H4C12: variants seen among roughly 807,000 people sequenced by gnomAD.
The protein encoded by H4C12 is histone H4.
A neutral mutation model predicts 4.2 loss-of-function variants in H4C12; 3 were observed. The ratio of observed to expected loss-of-function variants is 0.72; its 90% CI spans 0.33 to 1.86. The LOEUF (loss-of-function observed/expected upper bound fraction) is 1.86. H4C12 is among the 40% of genes most tolerant of loss of function. The probability of loss-of-function intolerance (pLI) is 0.08; values close to 1 mark genes in which losing one functional copy is unlikely to be tolerated. For missense variants in H4C12, 81 were observed against 154.6 expected (o/e 0.52, Z 2.52); for synonymous variants, 71 against 65.0 (o/e 1.09, Z -0.44).
At position 27,831,261 on chromosome 6, in the gene H4C12, G is replaced by C. The variant is rs940300605; in HGVS notation, c.267C>G (p.Tyr89Ter). The change falls in exon 1 of 1, where the codon TAC becomes TAG. Residue 89 changes from tyrosine to a stop codon, truncating the protein, a stop_gained. Coordinates refer to ENST00000611927, the MANE Select transcript of H4C12 (RefSeq NM_003541.3). LOFTEE classifies it high-confidence loss of function. ...GGGTGCGGCCCTGGCGCTTGAGCGCGTAGACCACATCCATGGCGGTGACCG... is the reference window on the plus strand; with the variant it reads ...GGGTGCGGCCCTGGCGCTTGAGCGCCTAGACCACATCCATGGCGGTGACCG... ...RKTVTAMDVVYALKRQGRTLY... is the reference protein window; with the variant it reads ...RKTVTAMDVV The C allele has an allele frequency of 6.5e-7, 1 of 1,548,716 alleles. No individual in the cohort carries two copies.
At position 27,831,211 on chromosome 6, in the gene H4C12, G is replaced by T. The variant is rs755592242; in HGVS notation, c.*5C>A. On this transcript the variant is annotated 3_prime_UTR_variant, in exon 1 of 1. Coordinates refer to ENST00000611927, the MANE Select transcript of H4C12 (RefSeq NM_003541.3). Reference sequence around the variant, plus strand: ...AAAGGGCCTTTTGTTGATAGAAAGGGACGCTCAACCACCGAAACCGTAGAG... The same window carrying T: ...AAAGGGCCTTTTGTTGATAGAAAGGTACGCTCAACCACCGAAACCGTAGAG... 9.3e-6 allele frequency: 15 copies of T among 1,604,840 alleles called. 1 individual carries two copies. In the South Asian group the frequency reaches 1.4e-4, roughly 15 times the overall value.
Position 27,831,273 on chromosome 6 carries a change from C to T in H4C12, c.255G>A (p.Met85Ile), listed in dbSNP as rs765347926. 74 of 1,550,366 alleles carry T rather than the reference C, an allele frequency of 4.8e-5. No homozygotes were observed. The highest frequency in any genetic ancestry group is 6.3e-5 in the Non-Finnish European group (73 of 1,155,258). The change falls in exon 1 of 1, where the codon ATG becomes ATA. Residue 85 changes from methionine (M) to isoleucine (I), a missense_variant. By Grantham distance (10) the Met-to-Ile change is conservative (BLOSUM62 1). This residue lies in a region of H4C12 where 56 missense variants were observed against 78.3 expected (regional missense o/e 0.72). Transcript: ENST00000611927. Reference protein sequence around the residue: ...EHAKRKTVTAMDVVYALKRQG... With the variant: ...EHAKRKTVTAIDVVYALKRQG... ...GGCGCTTGAGCGCGTAGACCACATC[C>T]ATGGCGGTGACCGTCTTGCGCTTGG...
chr6:27,831,192 C>T lies in H4C12; in HGVS notation c.*24G>A, dbSNP rs759052091. 10 of 1,604,272 alleles carry T rather than the reference C, an allele frequency of 6.2e-6. No homozygotes were observed. Among genetic ancestry groups the T allele is most frequent in the Non-Finnish European group, 8.5e-6 (10 of 1,175,238 alleles). ...GAGAAAGTGGGGGCCCTAAAAAGGG[C>T]CTTTTGTTGATAGAAAGGGACGCTC... is the stretch of plus-strand genomic sequence containing the variant. On this transcript the variant is annotated 3_prime_UTR_variant, in exon 1 of 1. Transcript: ENST00000611927.
At position 27,831,210 on chromosome 6, in the gene H4C12, G is replaced by T; in HGVS notation, c.*6C>A. The stretch of plus-strand genomic sequence containing the variant: ...AAAAGGGCCTTTTGTTGATAGAAAG[G>T]GACGCTCAACCACCGAAACCGTAGA... On this transcript the variant is annotated 3_prime_UTR_variant, in exon 1 of 1. Transcript: ENST00000611927. 6.2e-7 allele frequency: 1 copy of T among 1,604,740 alleles called. No individual in the cohort carries two copies. Among genetic ancestry groups the T allele is most frequent in the Non-Finnish European group, 8.5e-7 (1 of 1,175,954 alleles).
rs781495912 is a variant in H4C12 at position 27,831,178 on chromosome 6, G to A, written c.*38C>T. On this transcript the variant is annotated 3_prime_UTR_variant, in exon 1 of 1. Coordinates refer to ENST00000611927, the MANE Select transcript of H4C12 (RefSeq NM_003541.3). ...ACGGCTCCTCAGCTGAGAAAGTGGG[G>A]GCCCTAAAAAGGGCCTTTTGTTGAT... 19 of 1,589,618 alleles carry A rather than the reference G, an allele frequency of 1.2e-5. 1 individual carries two copies. Among genetic ancestry groups the A allele is most frequent in the South Asian group, 9.0e-5 (8 of 88,536 alleles).
In H4C12 at chr6:27,831,299, C is replaced by T. The variant is rs760410073; in HGVS notation, c.229G>A (p.Ala77Thr). Residue 77 changes from alanine to threonine, a missense_variant, in exon 1 of 1, where the codon GCC becomes ACC. Physicochemically the swap from Ala to Thr is moderately conservative, Grantham distance 58. Transcript: ENST00000611927. ...IRDAVTYTEH[A>T]KRKTVTAMDV... ...ATGGCGGTGACCGTCTTGCGCTTGGCGTGCTCTGTATAGGTCACGGCGTCC... is the reference window on the plus strand; with the variant it reads ...ATGGCGGTGACCGTCTTGCGCTTGGTGTGCTCTGTATAGGTCACGGCGTCC... The T allele has an allele frequency of 6.3e-7, 1 of 1,581,288 alleles. No individual in the cohort carries two copies. Among genetic ancestry groups the T allele is most frequent in the Admixed American group, 1.9e-5 (1 of 53,968 alleles).
At position 27,831,210 on chromosome 6, in the gene H4C12, G is replaced by A. The variant is rs1320974176; in HGVS notation, c.*6C>T. On this transcript the variant is annotated 3_prime_UTR_variant, in exon 1 of 1. Coordinates refer to ENST00000611927, the MANE Select transcript of H4C12 (RefSeq NM_003541.3). The stretch of plus-strand genomic sequence containing the variant: ...AAAAGGGCCTTTTGTTGATAGAAAG[G>A]GACGCTCAACCACCGAAACCGTAGA... 6 of 1,604,740 alleles carry A rather than the reference G, an allele frequency of 3.7e-6. No individual in the cohort carries two copies. Among genetic ancestry groups the A allele is most frequent in the South Asian group, 1.1e-5 (1 of 90,350 alleles).
rs1358562186 is a variant in H4C12 at position 27,831,446 on chromosome 6, G to A, written c.82C>T (p.Gln28Ter). 5.8e-6 allele frequency: 9 copies of A among 1,550,220 alleles called. No individual in the cohort carries two copies. The Admixed American group carries it at 6.1e-5, about 10-fold the overall frequency. The change falls in exon 1 of 1, where the codon CAG (glutamine) becomes TAG (stop). Residue 28 changes from glutamine to a stop codon, truncating the protein, a stop_gained. Transcript: ENST00000611927. LOFTEE classifies it high-confidence loss of function. ...RHRKVLRDNI[Q>*]GITKPAIRRL... ...CGGATGGCCGGCTTGGTGATGCCCT[G>A]GATATTGTCGCGCAGTACTTTACGG...
chr6:27,831,319 G>C lies in H4C12; in HGVS notation c.209C>G (p.Ala70Gly). 6.3e-7 allele frequency: 1 copy of C among 1,596,174 alleles called. No homozygotes were observed. The stretch of plus-strand genomic sequence containing the variant: ...CTTGGCGTGCTCTGTATAGGTCACG[G>C]CGTCCCGGATCACGTTCTCCAGGAA... The part of the protein sequence containing the change: ...KVFLENVIRD[A>G]VTYTEHAKRK... Residue 70 changes from alanine to glycine, a missense_variant, in exon 1 of 1, where the codon GCC (alanine) becomes GGC (glycine). Physicochemically the swap from Ala to Gly is moderately conservative, Grantham distance 60 (BLOSUM62 0). This residue lies in a region of H4C12 where 56 missense variants were observed against 78.3 expected (regional missense o/e 0.72). Transcript: ENST00000611927.
rs376558934 is a variant in H4C12 at position 27,831,336 on chromosome 6, C to T, written c.192G>A (p.Glu64=). 3.9e-4 allele frequency: 625 copies of T among 1,599,192 alleles called. No individual in the cohort carries two copies. Among genetic ancestry groups the T allele is most frequent in the Middle Eastern group, 6.9e-4 (4 of 5,822 alleles). Residue 64 remains glutamate, a synonymous_variant, in exon 1 of 1, where the codon GAG becomes GAA. Coordinates refer to ENST00000611927, the MANE Select transcript of H4C12 (RefSeq NM_003541.3). ...ETRGVLKVFL[E]NVIRDAVTYT... The stretch of plus-strand genomic sequence containing the variant: ...AGGTCACGGCGTCCCGGATCACGTT[C>T]TCCAGGAACACCTTCAGCACCCCGC...
chr6:27,831,436 G>A lies in H4C12; in HGVS notation c.92C>T (p.Thr31Ile). The A allele has an allele frequency of 6.4e-7, 1 of 1,572,746 alleles. No homozygotes were observed. Among genetic ancestry groups the A allele is most frequent in the Non-Finnish European group, 8.6e-7 (1 of 1,158,392 alleles). ...KVLRDNIQGI[T>I]KPAIRRLARR... Reference sequence around the variant, plus strand: ...AGCAAGGCGCCGGATGGCCGGCTTGGTGATGCCCTGGATATTGTCGCGCAG... The same window carrying A: ...AGCAAGGCGCCGGATGGCCGGCTTGATGATGCCCTGGATATTGTCGCGCAG... The change falls in exon 1 of 1, where the codon ACC becomes ATC. Residue 31 changes from threonine to isoleucine, a missense_variant. Coordinates refer to ENST00000611927, the MANE Select transcript of H4C12 (RefSeq NM_003541.3).
rs1404024143 is a variant in H4C12, at chr6:27,831,395, TCACGCCGCCGCGGCGAG to T, written c.116_132del (p.Ala39GlufsTer?). 6.3e-7 allele frequency: 1 copy of T among 1,594,878 alleles called. No homozygotes were observed. The highest frequency in any genetic ancestry group is 2.2e-5 in the East Asian group (1 of 44,580). ...TCGTAGATGAGGCCGGAGATGCGCT[TCACGCCGCCGCGGCGAG>T]CAAGGCGCCGGATGGCCGGCTTGGT... On this transcript the variant is annotated frameshift_variant, in exon 1 of 1. Coordinates refer to ENST00000611927, the MANE Select transcript of H4C12 (RefSeq NM_003541.3). LOFTEE classifies it high-confidence loss of function.
rs375664746 is a variant in H4C12, at chr6:27,831,255, G to A, written c.273C>T (p.Leu91=). 1 of 1,563,228 alleles carries A rather than the reference G, an allele frequency of 6.4e-7. No individual in the cohort carries two copies. The highest frequency in any genetic ancestry group is 1.4e-5 in the African/African-American group (1 of 73,136). ...TVTAMDVVYA[L]KRQGRTLYGF... ...CGTAGAGGGTGCGGCCCTGGCGCTT[G>A]AGCGCGTAGACCACATCCATGGCGG... The change falls in exon 1 of 1, where the codon CTC becomes CTT. Residue 91 remains leucine, a synonymous_variant. Transcript: ENST00000611927.
chr6:27,831,203 T>TAGAAAGGGACGCTCAACCACCGAA lies in H4C12; in HGVS notation c.301_*12dup. 1 of 1,604,610 alleles carries TAGAAAGGGACGCTCAACCACCGAA rather than the reference T, an allele frequency of 6.2e-7. No homozygotes were observed. On this transcript the variant is annotated 3_prime_UTR_variant, in exon 1 of 1. Coordinates refer to ENST00000611927, the MANE Select transcript of H4C12 (RefSeq NM_003541.3). ...GGCCCTAAAAAGGGCCTTTTGTTGA[T>TAGAAAGGGACGCTCAACCACCGAA]AGAAAGGGACGCTCAACCACCGAAA...
chr6:27,831,507 G>A lies in H4C12; in HGVS notation c.21C>T (p.Gly7=), dbSNP rs530871581. The stretch of plus-strand genomic sequence containing the variant: ...CGCCGCCTTTGCCAAGACCCTTCCC[G>A]CCTTTGCCGCGGCCAGACATGACGA... MSGRGK[G]GKGLGKGGAK... Residue 7 remains glycine (G), a synonymous_variant, in exon 1 of 1, where the codon GGC becomes GGT. Transcript: ENST00000611927. 2.2e-5 allele frequency: 35 copies of A among 1,555,650 alleles called. No homozygotes were observed. In the Admixed American group the frequency reaches 4.0e-4, roughly 18 times the overall value.
rs372460457 is a variant in H4C12 at position 27,831,280 on chromosome 6, G to A, written c.248C>T (p.Thr83Ile). 9.2e-5 allele frequency: 143 copies of A among 1,554,748 alleles called. No individual in the cohort carries two copies. The highest frequency in any genetic ancestry group is 1.3e-4 in the East Asian group (6 of 44,710). Reference protein sequence around the residue: ...YTEHAKRKTVTAMDVVYALKR... With the variant: ...YTEHAKRKTVIAMDVVYALKR... The stretch of plus-strand genomic sequence containing the variant: ...GAGCGCGTAGACCACATCCATGGCG[G>A]TGACCGTCTTGCGCTTGGCGTGCTC... Residue 83 changes from threonine (T) to isoleucine (I), a missense_variant, in exon 1 of 1, where the codon ACC becomes ATC. Thr to Ile is a moderately conservative substitution (Grantham distance 89). Around this residue, in one of 2 missense-constraint regions of H4C12, gnomAD observed 56 missense variants for 78.3 expected, o/e 0.72. Coordinates refer to ENST00000611927, the MANE Select transcript of H4C12 (RefSeq NM_003541.3).
rs574549590 is a variant in H4C12, at chr6:27,831,429, C to G, written c.99G>C (p.Pro33=). ...LRDNIQGITK[P]AIRRLARRGG... is the part of the protein sequence containing the mutation. ...CGCGGCGAGCAAGGCGCCGGATGGC[C>G]GGCTTGGTGATGCCCTGGATATTGT... Residue 33 remains proline (P), a synonymous_variant, in exon 1 of 1, where the codon CCG becomes CCC. Coordinates refer to ENST00000611927, the MANE Select transcript of H4C12 (RefSeq NM_003541.3). 3.2e-6 allele frequency: 5 copies of G among 1,579,938 alleles called. No homozygotes were observed. Among genetic ancestry groups the G allele is most frequent in the Middle Eastern group, 3.5e-4 (2 of 5,752 alleles).
rs1475669398 is a variant in H4C12 at position 27,831,529 on chromosome 6, A to T, written c.-2T>A. ...CCCGCCTTTGCCGCGGCCAGACATG[A>T]CGAGCAAGAGGAGTCTCACCCAACG... is the stretch of plus-strand genomic sequence containing the variant. On this transcript the variant is annotated 5_prime_UTR_variant, in exon 1 of 1. Transcript: ENST00000611927. The T allele has an allele frequency of 6.4e-7, 1 of 1,574,578 alleles. No individual in the cohort carries two copies. The highest frequency in any genetic ancestry group is 1.8e-5 in the Admixed American group (1 of 56,138).
In H4C12 at chr6:27,831,489, T is replaced by G; in HGVS notation, c.39A>C (p.Lys13Asn). 6 of 1,526,640 alleles carry G rather than the reference T, an allele frequency of 3.9e-6. No individual in the cohort carries two copies. The highest frequency in any genetic ancestry group is 5.3e-6 in the Non-Finnish European group (6 of 1,141,340). The allele number at this position is 1,526,640 out of a possible 1,614,324, so 94.6% of individuals were successfully genotyped here. A position where few individuals can be genotyped will look rare whatever the true frequency, so the allele number is the denominator to read the frequency against. The change falls in exon 1 of 1, where the codon AAA (lysine) becomes AAC (asparagine). Residue 13 changes from lysine to asparagine, a missense_variant. Coordinates refer to ENST00000611927, the MANE Select transcript of H4C12 (RefSeq NM_003541.3). ...CTTTACGGTGGCGCTTAGCGCCGCC[T>G]TTGCCAAGACCCTTCCCGCCTTTGC... ...GRGKGGKGLG[K>N]GGAKRHRKVL...
Sources: allele counts gnomAD v4.1 joint callset, GRCh38; gene constraint gnomAD v4.1.1; regional missense constraint gnomAD v4.1.1; transcripts MANE v1.5; gene names NCBI Gene and HGNC (gene_info 2026-07-23, HGNC 2026-07-21).